Variants in MYO3B observed in about 807,000 individuals in gnomAD.
MYO3B encodes the protein myosin IIIB, also known as myosin-IIIb.
MYO3B carries 156 observed loss-of-function variants against 174.6 expected under a neutral mutation model. The observed-to-expected ratio is 0.89, with a 90% confidence interval of 0.78 to 1.02. MYO3B has a LOEUF of 1.02. Among genes scored for constraint, MYO3B ranks in the 50% least tolerant of loss-of-function variants. The pLI, the probability that MYO3B is intolerant of heterozygous loss-of-function variation, is 0.00. For missense variants in MYO3B, 1,632 were observed against 1,639.4 expected, an observed-to-expected ratio of 1.00 and a Z score of 0.08; for synonymous variants, 563 against 569.1, an observed-to-expected ratio of 0.99 and a Z score of 0.15.
At chr2:170,434,495 T>C (rs781341489) in intron 22 of MYO3B, among the ~76,000 whole-genome samples, 3 of 152,178 alleles carry the variant, frequency 2.0e-5, no homozygotes, top group Non-Finnish European at 2.9e-5. Flanking sequence ...GTCATTCCCC[T>C]ATTGGCTAGG....
rs762963332 is a variant in MYO3B at position 170,335,463 on chromosome 2, T to C, written c.815+13T>C. 5.0e-5 allele frequency: 81 copies of C among 1,607,594 alleles called. 2 individuals are homozygous for C. In the Admixed American group the frequency reaches 1.0e-3, roughly 20 times the overall value. ...ACTTTATTTCACAGTGAGTATTTCT[T>C]CCACTAAAAATTGCCCATCTAGCAA... On this transcript the variant is annotated intron_variant, in intron 8 of 34. Coordinates refer to ENST00000408978, the MANE Select transcript of MYO3B (RefSeq NM_138995.5).
chr2:170,301,104 C>T (rs1276855860), intron 7 of MYO3B, among the ~76,000 whole-genome samples: 1 of 152,160 alleles, frequency 6.6e-6, no homozygotes, highest in African/African-American at 2.4e-5. Flanking sequence ...TCTAACTGGG[C>T]AGCAATGAGA....
At chr2:170,513,974 G>A (rs373904016) in intron 28 of MYO3B, among the ~76,000 whole-genome samples, 34 of 152,300 alleles carry the variant, frequency 2.2e-4, no homozygotes, top group African/African-American at 6.0e-4. Context: ...CACTGCTGCC[G>A]GAAATAGAAA....
At chr2:170,601,869 C>G (rs1258975624) in intron 32 of MYO3B, 1 of 868,836 alleles carries the variant, frequency 1.2e-6, no homozygotes, top group Admixed American at 2.0e-5. Flanking sequence ...CGCTAATAGG[C>G]AGGCCAGGAT....
chr2:170,627,557 A>C (rs1696557359), intron 32 of MYO3B, among the ~76,000 whole-genome samples: 1 of 152,196 alleles, frequency 6.6e-6, no homozygotes, highest in Non-Finnish European at 1.5e-5. Flanking sequence ...AATTCGTCAA[A>C]GTCATTCTCC....
At chr2:170,232,908 C>T (rs57668280) in intron 6 of MYO3B, among the ~76,000 whole-genome samples, 7,343 of 152,164 alleles carry the variant, frequency 0.048, 615 homozygotes, top group African/African-American at 0.17. Flanking sequence ...AAGAATTAGG[C>T]CAAGATATGA....
At chr2:170,550,191 C>T (rs185616608) in intron 32 of MYO3B, among the ~76,000 whole-genome samples, 242 of 152,300 alleles carry the variant, frequency 1.6e-3, no homozygotes, top group African/African-American at 5.7e-3. Context: ...ACCTTAAACC[C>T]TCACCAGTAA....
At chr2:170,502,874 A>G (rs962395534) in intron 28 of MYO3B, among the ~76,000 whole-genome samples, 1 of 152,242 alleles carries the variant, frequency 6.6e-6, no homozygotes, top group African/African-American at 2.4e-5. Context: ...CAGAACTCTT[A>G]GACCACTGTA....
intron 16 of MYO3B, among the ~76,000 whole-genome samples, chr2:170,397,491 A>G (rs1420551553): frequency 6.6e-6 from 1 of 152,214 alleles, no homozygotes; most frequent in Non-Finnish European, 1.5e-5. Flanking sequence ...TCGTTGTTTC[A>G]CGTATAGAAA....
intron 30 of MYO3B, among the ~76,000 whole-genome samples, chr2:170,526,060 A>T (rs896594024): frequency 4.6e-5 from 7 of 152,212 alleles, no homozygotes; most frequent in Admixed American, 4.6e-4. Flanking sequence ...AGTGCTTAAG[A>T]TGTGGTAAAC....
chr2:170,270,278 A>G (rs1249848822), intron 7 of MYO3B, among the ~76,000 whole-genome samples: 1 of 152,232 alleles, frequency 6.6e-6, no homozygotes, highest in Non-Finnish European at 1.5e-5. Flanking sequence ...GTGCAAACCC[A>G]TTCTGCTCCA....
chr2:170,500,806 C>G (rs1202209076), intron 27 of MYO3B, among the ~76,000 whole-genome samples: 4 of 152,202 alleles, frequency 2.6e-5, no homozygotes, highest in Admixed American at 1.3e-4. Context: ...GAAGGCTTTT[C>G]TAGTCCAGAT....
intron 8 of MYO3B, among the ~76,000 whole-genome samples, chr2:170,354,143 G>C (rs142591076): frequency 6.6e-6 from 1 of 152,220 alleles, no homozygotes; most frequent in South Asian, 2.1e-4. Flanking sequence ...GAAAGAATCA[G>C]ACAACCCTGT....
At chr2:170,567,527 C>T (rs1261026555) in intron 32 of MYO3B, among the ~76,000 whole-genome samples, 1 of 152,142 alleles carries the variant, frequency 6.6e-6, no homozygotes, top group Non-Finnish European at 1.5e-5. Flanking sequence ...TGAAAGTTAA[C>T]AGGACACAAA....
intron 32 of MYO3B, among the ~76,000 whole-genome samples, chr2:170,547,559 T>C (rs1326258407): frequency 6.6e-6 from 1 of 152,234 alleles, no homozygotes; most frequent in African/African-American, 2.4e-5. Context: ...CTTATATTTA[T>C]TTATTCAAAA....
intron 23 of MYO3B, among the ~76,000 whole-genome samples, chr2:170,459,615 G>A (rs989064412): frequency 2.0e-5 from 3 of 152,140 alleles, no homozygotes; most frequent in Admixed American, 2.0e-4. Flanking sequence ...CACCAGTCCC[G>A]GCGCCACACT....
intron 17 of MYO3B, among the ~76,000 whole-genome samples, chr2:170,401,128 A>G (rs1437328633): frequency 1.3e-5 from 2 of 152,240 alleles, no homozygotes; most frequent in Non-Finnish European, 2.9e-5. Flanking sequence ...AAATGAAGTA[A>G]AAACCTTTTT....
At chr2:170,506,658 A>T (rs543327659) in intron 28 of MYO3B, among the ~76,000 whole-genome samples, 1 of 152,344 alleles carries the variant, frequency 6.6e-6, no homozygotes, top group East Asian at 1.9e-4. Flanking sequence ...TATTTTGCCA[A>T]CGCTCTTTGG....
intron 22 of MYO3B, among the ~76,000 whole-genome samples, chr2:170,430,973 T>A (rs1213475151): frequency 1.3e-5 from 2 of 152,176 alleles, no homozygotes; most frequent in African/African-American, 4.8e-5. Flanking sequence ...TTTGAATACA[T>A]CCTTTGCCTA....
Sources: gnomAD v4.1 joint callset for allele counts (sites outside exome capture counted in the v4.1 genomes callset) on GRCh38, gnomAD v4.1.1 for gene constraint, MANE v1.5 for transcripts, NCBI Gene and HGNC (gene_info 2026-07-23, HGNC 2026-07-21) for gene names.